ENTREP2: variants seen among roughly 807,000 people sequenced by gnomAD.
ENTREP2 encodes protein ENTREP2.
chr15:29,221,663 C>T, the ENTREP2 span, among the ~76,000 whole-genome samples: 1 of 152,092 alleles, frequency 6.6e-6, no homozygotes, highest in African/African-American at 2.4e-5. Flanking sequence ...TTCTGAGGCT[C>T]TTCTGTTAAT....
chr15:29,495,890 G>T, the ENTREP2 span, among the ~76,000 whole-genome samples: 17 of 151,884 alleles, frequency 1.1e-4, no homozygotes, highest in African/African-American at 4.1e-4. Flanking sequence ...TGGGCTATTC[G>T]GGGTCTTTTG....
At chr15:29,522,670 G>A in the ENTREP2 span, among the ~76,000 whole-genome samples, 1 of 152,176 alleles carries the variant, frequency 6.6e-6, no homozygotes, top group Non-Finnish European at 1.5e-5. Context: ...CACAGTGCAT[G>A]TGAGAACCCT....
chr15:29,294,241 T>C, the ENTREP2 span, among the ~76,000 whole-genome samples: 15 of 152,128 alleles, frequency 9.9e-5, no homozygotes, highest in Non-Finnish European at 1.5e-4. Flanking sequence ...GAAGCAGCGT[T>C]ATTGAAAGGT....
At chr15:29,321,649 CAAA>C in the ENTREP2 span, among the ~76,000 whole-genome samples, 2 of 64,374 alleles carry the variant, frequency 3.1e-5, no homozygotes, top group Admixed American at 1.8e-4. Context: ...GACTCTGTCT[CAAA>C]AAAAAAAAAA....
At chr15:29,434,624 G>A in the ENTREP2 span, among the ~76,000 whole-genome samples, 1 of 152,108 alleles carries the variant, frequency 6.6e-6, no homozygotes, top group Non-Finnish European at 1.5e-5. Flanking sequence ...ACTCTCGCAG[G>A]TTTGACCTGA....
the ENTREP2 span, among the ~76,000 whole-genome samples, chr15:29,600,898 C>CT: frequency 5.6e-5 from 7 of 125,444 alleles, 1 homozygote; most frequent in African/African-American, 1.5e-4. Context: ...TATGATTTTT[C>CT]TTTCTTTTTT....
chr15:29,247,464 G>C, the ENTREP2 span, among the ~76,000 whole-genome samples: 1 of 152,154 alleles, frequency 6.6e-6, no homozygotes, highest in South Asian at 2.1e-4. Context: ...GGTAGAACTT[G>C]TCCTACCATG....
chr15:29,438,069 A>C, the ENTREP2 span, among the ~76,000 whole-genome samples: 1 of 152,226 alleles, frequency 6.6e-6, no homozygotes, highest in Non-Finnish European at 1.5e-5. Context: ...AGCCTTGAAC[A>C]CAAGAGACCT....
the ENTREP2 span, among the ~76,000 whole-genome samples, chr15:29,159,425 A>G: frequency 2.6e-5 from 4 of 152,168 alleles, no homozygotes; most frequent in Non-Finnish European, 4.4e-5. Context: ...AAGCTTCCAC[A>G]GCATAGAAAA....
the ENTREP2 span, among the ~76,000 whole-genome samples, chr15:29,165,499 T>A: frequency 3.8e-3 from 573 of 152,252 alleles, 1 homozygote; most frequent in African/African-American, 0.013. Flanking sequence ...ACAGGAGATA[T>A]TACAGTTGAC....
the ENTREP2 span, among the ~76,000 whole-genome samples, chr15:29,322,206 G>A: frequency 0.012 from 1,863 of 151,894 alleles, 47 homozygotes; most frequent in African/African-American, 0.043. Context: ...TTTGAAATAC[G>A]CATACATTGT....
chr15:29,428,927 G>C, the ENTREP2 span, among the ~76,000 whole-genome samples: 3 of 152,222 alleles, frequency 2.0e-5, no homozygotes, highest in African/African-American at 7.2e-5. Flanking sequence ...AGAATTTGCA[G>C]CATTGAGGAT....
chr15:29,568,367 G>A, the ENTREP2 span, among the ~76,000 whole-genome samples: 1 of 152,136 alleles, frequency 6.6e-6, no homozygotes, highest in Non-Finnish European at 1.5e-5. Context: ...AGAACTGTGT[G>A]GAATTGCTCA....
the ENTREP2 span, among the ~76,000 whole-genome samples, chr15:29,394,838 T>C: frequency 6.6e-6 from 1 of 150,766 alleles, no homozygotes; most frequent in Non-Finnish European, 1.5e-5. Flanking sequence ...TCACTTAGGA[T>C]AATGGTTTCA....
chr15:29,634,008 G>A, the ENTREP2 span, among the ~76,000 whole-genome samples: 2 of 152,044 alleles, frequency 1.3e-5, no homozygotes, highest in East Asian at 3.9e-4. Flanking sequence ...CACTGCTCGG[G>A]GTCTTACCTG....
the ENTREP2 span, among the ~76,000 whole-genome samples, chr15:29,235,966 AAAAAC>A: frequency 2.2e-5 from 3 of 135,024 alleles, no homozygotes; most frequent in Non-Finnish European, 4.8e-5. Context: ...CCATCTCAAA[AAAAAC>A]AAAACAAAAC....
At chr15:29,364,854 G>A in the ENTREP2 span, among the ~76,000 whole-genome samples, 2 of 152,046 alleles carry the variant, frequency 1.3e-5, no homozygotes, top group Non-Finnish European at 2.9e-5. Flanking sequence ...CACAGCCTCC[G>A]CCACTACCAC....
chr15:29,299,106 G>T, the ENTREP2 span, among the ~76,000 whole-genome samples: 2 of 152,280 alleles, frequency 1.3e-5, no homozygotes, highest in Admixed American at 1.3e-4. Context: ...TCCATAACAG[G>T]TTGAAGAAAT....
the ENTREP2 span, among the ~76,000 whole-genome samples, chr15:29,479,388 T>C: frequency 6.6e-5 from 10 of 152,030 alleles, no homozygotes; most frequent in Admixed American, 1.3e-4. Context: ...ATTAAACTTC[T>C]TTTCTTATAA....
Sources: allele counts gnomAD v4.1 joint callset (sites outside exome capture counted in the v4.1 genomes callset), GRCh38; gene constraint gnomAD v4.1.1; transcripts MANE v1.5; gene names NCBI Gene and HGNC (gene_info 2026-07-23, HGNC 2026-07-21).